Variants in WWOX observed in about 807,000 individuals in gnomAD.
The protein encoded by WWOX is WW domain-containing oxidoreductase.
A neutral mutation model predicts 46.2 loss-of-function variants in WWOX; 69 were observed. The ratio of observed to expected loss-of-function variants is 1.49; its 90% CI spans 1.23 to 1.82. WWOX has a LOEUF of 1.82. Ranked by LOEUF, WWOX falls within the 40% of genes most tolerant of loss-of-function variation. WWOX has a pLI of 0.00. For missense variants in WWOX, 919 were observed against 542.6 expected, an observed-to-expected ratio of 1.69 and a Z score of -6.89; for synonymous variants, 359 against 202.6, an observed-to-expected ratio of 1.77 and a Z score of -6.56.
At chr16:78,381,543 G>A (rs1048019124) in intron 5 of WWOX, among the ~76,000 whole-genome samples, 5 of 46,576 alleles carry the variant, frequency 1.1e-4, no homozygotes, top group Non-Finnish European at 8.2e-5. Flanking sequence ...GTGTGGCTCT[G>A]TTTTAAAATG....
chr16:78,906,712 A>G (rs531626442), intron 8 of WWOX, among the ~76,000 whole-genome samples: 6 of 152,206 alleles, frequency 3.9e-5, no homozygotes, highest in African/African-American at 1.2e-4. Context: ...TGTCAGCTCT[A>G]TGGATGTGCC....
rs376622174 is a variant in WWOX, at chr16:78,104,231, A to AACACACACACACACAC, written c.108-4167_108-4152dup. ...CCCTGCTAACTTACACTGTGCTCAA[A>AACACACACACACACAC]ACACACACACACACACACACACACA... On this transcript the variant is annotated intron_variant, in intron 1 of 8. Coordinates refer to ENST00000566780, the MANE Select transcript of WWOX (RefSeq NM_016373.4). 4.6e-3 allele frequency among the ~76,000 whole-genome samples: 599 copies of AACACACACACACACAC among 130,208 alleles called. 7 individuals carry two copies. Among genetic ancestry groups the AACACACACACACACAC allele is most frequent in the African/African-American group, 0.012 (410 of 34,050 alleles). 85.4% of individuals were successfully genotyped at this position (130,208 alleles called of 152,430 possible).
intron 5 of WWOX, among the ~76,000 whole-genome samples, chr16:78,368,853 C>T (rs1282157269): frequency 6.6e-6 from 1 of 152,208 alleles, no homozygotes; most frequent in Non-Finnish European, 1.5e-5. Context: ...TGCCGGTGCC[C>T]AAACCAGCAG....
At chr16:78,163,767 C>G (rs1261051361) in intron 4 of WWOX, among the ~76,000 whole-genome samples, 1 of 152,176 alleles carries the variant, frequency 6.6e-6, no homozygotes, top group Non-Finnish European at 1.5e-5. Context: ...AGCATAAAGT[C>G]CTTATCGTGG....
chr16:78,677,790 C>G (rs1407115319), intron 8 of WWOX, among the ~76,000 whole-genome samples: 4 of 152,160 alleles, frequency 2.6e-5, no homozygotes, highest in African/African-American at 9.7e-5. Context: ...AACATGGGAA[C>G]TGAGGGTGGT....
Position 78,099,685 on chromosome 16 carries a change from A to G in WWOX, c.-94A>G, listed in dbSNP as rs915962108. 1.6e-5 allele frequency: 23 copies of G among 1,433,252 alleles called. No individual in the cohort carries two copies. The highest frequency in any genetic ancestry group is 2.5e-4 in the Middle Eastern group (1 of 3,980). 88.8% of individuals were successfully genotyped at this position (1,433,252 alleles called of 1,614,324 possible). On this transcript the variant is annotated 5_prime_UTR_variant, in exon 1 of 9. Transcript: ENST00000566780. ...CGCAGGCGTGAGCGGTCGGGCCCCG[A>G]CGCGCGCGGGTCTCGTTTGGAGCGG...
chr16:79,077,691 A>T (rs1450988165), intron 8 of WWOX, among the ~76,000 whole-genome samples: 2 of 151,182 alleles, frequency 1.3e-5, no homozygotes, highest in Non-Finnish European at 2.9e-5. Flanking sequence ...GTAGCATCTA[A>T]TGAAATACCA....
chr16:78,733,300 A>G (rs1428868062), intron 8 of WWOX, among the ~76,000 whole-genome samples: 3 of 152,098 alleles, frequency 2.0e-5, no homozygotes, highest in Non-Finnish European at 1.5e-5. Flanking sequence ...TACAAAAAAT[A>G]ATAAATTAGC....
chr16:78,631,957 A>ATTT (rs59745881), intron 8 of WWOX, among the ~76,000 whole-genome samples: 17 of 151,394 alleles, frequency 1.1e-4, no homozygotes, highest in South Asian at 2.1e-4. Context: ...GAGGTGGTTT[A>ATTT]TTTTTTTTTA....
intron 8 of WWOX, among the ~76,000 whole-genome samples, chr16:79,141,024 A>T (rs1472383806): frequency 6.6e-6 from 1 of 152,190 alleles, no homozygotes; most frequent in Non-Finnish European, 1.5e-5. Context: ...AAGGAAGATA[A>T]ATCTTGGGCC....
At chr16:79,130,534 C>T (rs1169652580) in intron 8 of WWOX, among the ~76,000 whole-genome samples, 1 of 152,146 alleles carries the variant, frequency 6.6e-6, no homozygotes, top group Non-Finnish European at 1.5e-5. Context: ...GACTCAAGGA[C>T]TGTGGAACCT....
intron 8 of WWOX, among the ~76,000 whole-genome samples, chr16:79,115,156 TAGTC>T (rs527794870): frequency 1.1e-4 from 17 of 152,220 alleles, no homozygotes; most frequent in Non-Finnish European, 2.1e-4. Context: ...CCCATGTTCT[TAGTC>T]AGTATGGTTG....
intron 8 of WWOX, among the ~76,000 whole-genome samples, chr16:79,113,047 G>A (rs1049240814): frequency 6.6e-6 from 1 of 152,198 alleles, no homozygotes; most frequent in Non-Finnish European, 1.5e-5. Context: ...AAGAACAATG[G>A]TGAACGGCAC....
intron 8 of WWOX, among the ~76,000 whole-genome samples, chr16:78,754,318 A>T (rs527502901): frequency 6.6e-6 from 1 of 152,218 alleles, no homozygotes; most frequent in South Asian, 2.1e-4. Context: ...ATTCAGGCTG[A>T]TTTCAGACAG....
rs1030907604 is a variant in WWOX, at chr16:78,556,900, A to G, written c.1056+124148A>G. Among the ~76,000 whole-genome samples the G allele has an allele frequency of 5.7e-4, 87 of 151,850 alleles. 1 individual carries two copies. Among genetic ancestry groups the G allele is most frequent in the Non-Finnish European group, 1.8e-4 (12 of 67,948 alleles). Reference sequence around the variant, plus strand: ...AGCCCGGCTAAGTTTTCTATTTTCAATAGAGATGAGGTTTTGCCATATTGG... The same window carrying G: ...AGCCCGGCTAAGTTTTCTATTTTCAGTAGAGATGAGGTTTTGCCATATTGG... On this transcript the variant is annotated intron_variant, in intron 8 of 8. Transcript: ENST00000566780.
chr16:78,921,121 C>A (rs573187003), intron 8 of WWOX, among the ~76,000 whole-genome samples: 2 of 152,176 alleles, frequency 1.3e-5, no homozygotes, highest in South Asian at 2.1e-4. Context: ...TTCTTGACAT[C>A]TTTTTGAAGA....
chr16:78,736,636 C>A (rs2049099086), intron 8 of WWOX, among the ~76,000 whole-genome samples: 1 of 151,964 alleles, frequency 6.6e-6, no homozygotes, highest in Admixed American at 6.6e-5. Flanking sequence ...CTGTCTCTTT[C>A]CCCCAGGCTA....
chr16:78,626,684 G>T (rs1057117391), intron 8 of WWOX, among the ~76,000 whole-genome samples: 2 of 152,110 alleles, frequency 1.3e-5, no homozygotes, highest in Admixed American at 1.3e-4. Context: ...GCTGTGCCCA[G>T]CTCATGCTTG....
intron 8 of WWOX, among the ~76,000 whole-genome samples, chr16:79,164,874 C>G (rs2050559957): frequency 6.6e-6 from 1 of 152,102 alleles, no homozygotes; most frequent in Non-Finnish European, 1.5e-5. Flanking sequence ...CAAATACACA[C>G]ACAAACACAA....
Sources: gnomAD v4.1 joint callset for allele counts (sites outside exome capture counted in the v4.1 genomes callset) on GRCh38, gnomAD v4.1.1 for gene constraint, MANE v1.5 for transcripts, NCBI Gene and HGNC (gene_info 2026-07-23, HGNC 2026-07-21) for gene names.